IL16: variants seen among roughly 807,000 people sequenced by gnomAD.
The protein encoded by IL16 is interleukin 16, also known as pro-interleukin-16.
A neutral mutation model predicts 110.1 loss-of-function variants in IL16; 67 were observed. The observed-to-expected ratio is 0.61, with a 90% CI of 0.50 to 0.75. The LOEUF is 0.75. Among genes scored for constraint, IL16 ranks in the 30% least tolerant of loss-of-function variants. The pLI is 0.00. For missense variants in IL16, 1,545 were observed against 1,655.0 expected, an observed-to-expected ratio of 0.93 and a Z score of 1.15; for synonymous variants, 689 against 662.9, an observed-to-expected ratio of 1.04 and a Z score of -0.61.
At chr15:81,192,749 G>C (rs1012836653), upstream of IL16, among the ~76,000 whole-genome samples, 1 of 152,230 alleles carries the variant, frequency 6.6e-6, no homozygotes, top group Non-Finnish European at 1.5e-5. Flanking sequence ...ATAGGAACCA[G>C]AATCCCAGTT....
rs368468161 is a variant in IL16, at chr15:81,247,984, C to G, written c.313-11788C>G. Among the ~76,000 whole-genome samples the G allele has an allele frequency of 8.5e-5, 13 of 152,214 alleles. No homozygotes were observed. The East Asian group carries it at 2.3e-3, about 27-fold the overall frequency. On this transcript the variant is annotated intron_variant, in intron 2 of 18. Transcript: ENST00000683961. ...AGAGACATTGTATATAGCTATTAACCTTACTGCTTTTTGTCTGCTTGATCT... is the reference window on the plus strand; with the variant it reads ...AGAGACATTGTATATAGCTATTAACGTTACTGCTTTTTGTCTGCTTGATCT...
intron 2 of IL16, among the ~76,000 whole-genome samples, chr15:81,249,741 T>G (rs1285321529): frequency 6.6e-6 from 1 of 152,212 alleles, no homozygotes; most frequent in African/African-American, 2.4e-5. Flanking sequence ...TGAAAGATTT[T>G]TAATAATTAC....
rs1235436631 is a variant in IL16, at chr15:81,311,996, G to A, written c.*3198G>A. The A allele has an allele frequency of 1.3e-5, 2 of 152,304 alleles. No individual in the cohort carries two copies. Among genetic ancestry groups the A allele is most frequent in the African/African-American group, 4.8e-5 (2 of 41,548 alleles). 9.4% of individuals were successfully genotyped at this position (152,304 alleles called of 1,614,324 possible). A position where few individuals can be genotyped will look rare whatever the true frequency, so the allele number is the denominator to read the frequency against. On this transcript the variant is annotated 3_prime_UTR_variant, in exon 19 of 19. Coordinates refer to ENST00000683961, the MANE Select transcript of IL16 (RefSeq NM_172217.5). Reference sequence around the variant, plus strand: ...AATAGGGAAGTAACAGTAACGCAGGGGAAACGTTTTCTGTTTGGAGGAGCA... The same window carrying A: ...AATAGGGAAGTAACAGTAACGCAGGAGAAACGTTTTCTGTTTGGAGGAGCA...
rs2141664588 is a variant in IL16 at position 81,312,291 on chromosome 15, C to G, written c.*3493C>G. 6.6e-6 allele frequency: 1 copy of G among 152,346 alleles called. No homozygotes were observed. Among genetic ancestry groups the G allele is most frequent in the East Asian group, 1.9e-4 (1 of 5,188 alleles). 9.4% of individuals were successfully genotyped at this position (152,346 alleles called of 1,614,324 possible). On this transcript the variant is annotated 3_prime_UTR_variant, in exon 19 of 19. Coordinates refer to ENST00000683961, the MANE Select transcript of IL16 (RefSeq NM_172217.5). ...TGGACATGGCCCCTGTGAGTTTGTA[C>G]AGTCTTGCAGCAGGATCTAGAGGGG...
chr15:81,297,031 C>T lies in IL16; in HGVS notation c.2006C>T (p.Thr669Ile). Residue 669 changes from threonine (T) to isoleucine (I), a missense_variant, in exon 13 of 19, where the codon ACC becomes ATC. Thr to Ile is a moderately conservative substitution (Grantham distance 89, BLOSUM62 -1). This residue lies in a region of IL16 where 1,185 missense variants were observed against 1,238.8 expected (regional missense o/e 0.96). Transcript: ENST00000683961. ...GCPGPGIGPQ[T>I]KSSTEGEPGW... is the part of the protein sequence containing the mutation. ...CCAGGACCTGGTATCGGCCCACAGA[C>T]CAAGTCCTCCACAGAGGGCGAGCCA... 6.2e-7 allele frequency: 1 copy of T among 1,613,966 alleles called. No homozygotes were observed. The highest frequency in any genetic ancestry group is 1.1e-5 in the South Asian group (1 of 91,072).
chr15:81,253,095 T>G (rs906633066), intron 2 of IL16, among the ~76,000 whole-genome samples: 2 of 152,194 alleles, frequency 1.3e-5, no homozygotes, highest in African/African-American at 2.4e-5. Flanking sequence ...CCATCATCAA[T>G]GTAAGAGCAT....
intron 1 of IL16, among the ~76,000 whole-genome samples, chr15:81,219,543 G>A (rs1478827790): frequency 6.6e-6 from 1 of 152,080 alleles, no homozygotes; most frequent in Non-Finnish European, 1.5e-5. Context: ...CCCACCTGAT[G>A]CCCCGCTCAT....
At chr15:81,271,563 T>C (rs11857325) in intron 5 of IL16, among the ~76,000 whole-genome samples, 35,792 of 151,864 alleles carry the variant, frequency 0.24, 4,657 homozygotes, top group African/African-American at 0.34. Flanking sequence ...ACTTGGTTAG[T>C]GAGGAGCCGA....
chr15:81,292,720 A>C lies in IL16; in HGVS notation c.1585A>C (p.Ser529Arg), dbSNP rs1899792367. The change falls in exon 12 of 19, where the codon AGT (serine) becomes CGT (arginine). Residue 529 changes from serine (S) to arginine (R), a missense_variant. By Grantham distance (110) the Ser-to-Arg change is moderately radical. Coordinates refer to ENST00000683961, the MANE Select transcript of IL16 (RefSeq NM_172217.5). ...CCCAGGGGGAAGTCCTGGGAGTGGC[A>C]GTGCTGAGAAGCCGTCCTCTGACGT... ...GSPGGSPGSG[S>R]AEKPSSDVDI... 6.2e-7 allele frequency: 1 copy of C among 1,614,052 alleles called. No homozygotes were observed. The highest frequency in any genetic ancestry group is 1.3e-5 in the African/African-American group (1 of 74,920).
Position 81,313,244 on chromosome 15 carries a change from G to A in IL16, c.*4446G>A. ...AGTCACGGGAGTTCTTTGCCAAGAA[G>A]TAACGATAGCATTACTCATGGAATT... is the stretch of plus-strand genomic sequence containing the variant. On this transcript the variant is annotated 3_prime_UTR_variant, in exon 19 of 19. Coordinates refer to ENST00000683961, the MANE Select transcript of IL16 (RefSeq NM_172217.5). The A allele has an allele frequency of 3.2e-6, 5 of 1,539,436 alleles. No homozygotes were observed. The highest frequency in any genetic ancestry group is 2.5e-5 in the East Asian group (1 of 40,030).
At chr15:81,196,577 G>T (rs189260744), upstream of IL16, among the ~76,000 whole-genome samples, 1 of 152,190 alleles carries the variant, frequency 6.6e-6, no homozygotes, top group African/African-American at 2.4e-5. Context: ...TCCTAGCAGC[G>T]TGCCAGGCAC....
chr15:81,306,376 G>A (rs750050191), intron 17 of IL16, 44 bp from the exon 18 acceptor site: 1 of 1,607,868 alleles, frequency 6.2e-7, no homozygotes. Flanking sequence ...TCTGTGGCCT[G>A]GGAGAGGAGA....
intron 1 of IL16, among the ~76,000 whole-genome samples, chr15:81,202,929 A>G (rs900945059): frequency 3.9e-5 from 6 of 151,916 alleles, no homozygotes; most frequent in African/African-American, 7.3e-5. Flanking sequence ...GAACTAGTTT[A>G]CAGTCCCACC....
At chr15:81,300,776 G>A (rs995482201) in intron 14 of IL16, among the ~76,000 whole-genome samples, 19 of 152,132 alleles carry the variant, frequency 1.2e-4, no homozygotes, top group African/African-American at 2.7e-4. Flanking sequence ...GCTGACATAC[G>A]CCTGTGGAGA....
intron 2 of IL16, among the ~76,000 whole-genome samples, chr15:81,228,894 G>A (rs1269802671): frequency 6.6e-6 from 1 of 152,062 alleles, no homozygotes; most frequent in Non-Finnish European, 1.5e-5. Context: ...CTGTGCCTCA[G>A]TTTTCTCACC....
chr15:81,236,048 T>C (rs538516743), intron 2 of IL16, among the ~76,000 whole-genome samples: 1 of 152,330 alleles, frequency 6.6e-6, no homozygotes, highest in East Asian at 1.9e-4. Context: ...ATGACCTCCA[T>C]AGAGTGGAAA....
chr15:81,262,529 T>A (rs1325479243), intron 3 of IL16, among the ~76,000 whole-genome samples: 2 of 151,844 alleles, frequency 1.3e-5, no homozygotes, highest in African/African-American at 4.9e-5. Context: ...CTAGCATCAC[T>A]TATTTACAAT....
intron 12 of IL16, among the ~76,000 whole-genome samples, chr15:81,296,411 G>A (rs2141593867): frequency 6.6e-6 from 1 of 152,334 alleles, no homozygotes; most frequent in South Asian, 2.1e-4. Flanking sequence ...AATGGCACAG[G>A]TGCTGAGTAT....
chr15:81,306,979 C>A, intron 18 of IL16: 1 of 297,298 alleles, frequency 3.4e-6, no homozygotes, highest in Non-Finnish European at 6.6e-6. Context: ...CAGAGTCTGA[C>A]TTTGTACTGC....
Sources: allele counts gnomAD v4.1 joint callset (sites outside exome capture counted in the v4.1 genomes callset), GRCh38; gene constraint gnomAD v4.1.1; regional missense constraint gnomAD v4.1.1; transcripts MANE v1.5; gene names NCBI Gene and HGNC (gene_info 2026-07-23, HGNC 2026-07-21).